BNC2: variants seen among roughly 807,000 people sequenced by gnomAD.
BNC2 encodes the protein basonuclin zinc finger protein 2.
BNC2 carries 20 observed loss-of-function variants against 76.3 expected under a neutral mutation model. The ratio of observed to expected loss-of-function variants is 0.26; its 90% CI spans 0.18 to 0.38. BNC2 has a LOEUF of 0.38. Ranked by LOEUF, BNC2 falls within the 10% of genes least tolerant of loss-of-function variation. The pLI, the probability that BNC2 is intolerant of heterozygous loss-of-function variation, is 1.00. For missense variants in BNC2, 1,382 were observed against 1,399.8 expected, an observed-to-expected ratio of 0.99 and a Z score of 0.20; for synonymous variants, 582 against 514.8, an observed-to-expected ratio of 1.13 and a Z score of -1.77.
intron 3 of BNC2, among the ~76,000 whole-genome samples, chr9:16,710,027 G>A (rs1015595159): frequency 2.0e-5 from 3 of 151,960 alleles, no homozygotes; most frequent in African/African-American, 7.3e-5. Flanking sequence ...AACTGCAACA[G>A]AAACAGACAT....
chr9:16,728,855 A>G (rs1456130996), intron 2 of BNC2, among the ~76,000 whole-genome samples: 2 of 152,134 alleles, frequency 1.3e-5, no homozygotes, highest in African/African-American at 2.4e-5. Context: ...TGAGAAACTG[A>G]ATGGCAAAGG....
In BNC2 at chr9:16,412,744, AGAGAGAGAGAG is replaced by A. The variant is rs1820495098; in HGVS notation, c.*6234_*6244del. ...GGGAGAGAGAGAGAGAGAGAGAGAG[AGAGAGAGAGAG>A]AGAGAGAGAGACTGACTGATTGTGG... On this transcript the variant is annotated 3_prime_UTR_variant, in exon 7 of 7. Coordinates refer to ENST00000380672, the MANE Select transcript of BNC2 (RefSeq NM_017637.6). 1.6e-5 allele frequency: 2 copies of A among 121,296 alleles called. No individual in the cohort carries two copies. Among genetic ancestry groups the A allele is most frequent in the African/African-American group, 7.6e-5 (2 of 26,286 alleles). The allele number at this position is 121,296 out of a possible 1,614,324, so 7.5% of individuals were successfully genotyped here. A position where few individuals can be genotyped will look rare whatever the true frequency, so the allele number is the denominator to read the frequency against.
chr9:16,860,830 G>T (rs930332093), intron 1 of BNC2, among the ~76,000 whole-genome samples: 2 of 152,118 alleles, frequency 1.3e-5, no homozygotes, highest in African/African-American at 4.8e-5. Flanking sequence ...ATCACCTGAG[G>T]CCAGGAGTTT....
intron 3 of BNC2, chr9:16,726,925 G>C (rs1053233072): frequency 6.6e-6 from 1 of 152,264 alleles, no homozygotes. Flanking sequence ...AGAGGAGACC[G>C]GCGCACAGGG....
At chr9:16,823,777 A>T (rs1818392542) in intron 1 of BNC2, among the ~76,000 whole-genome samples, 1 of 152,188 alleles carries the variant, frequency 6.6e-6, no homozygotes, top group Non-Finnish European at 1.5e-5. Context: ...AGAACTATGA[A>T]AGAAGAGAAA....
chr9:16,586,142 A>G (rs577211365), intron 3 of BNC2, among the ~76,000 whole-genome samples: 1 of 152,088 alleles, frequency 6.6e-6, no homozygotes, highest in South Asian at 2.1e-4. Flanking sequence ...CACAGAATGT[A>G]CCACATACAG....
intron 4 of BNC2, among the ~76,000 whole-genome samples, chr9:16,572,795 G>A (rs532732692): frequency 2.6e-4 from 40 of 152,174 alleles, no homozygotes; most frequent in Non-Finnish European, 3.5e-4. Context: ...GGTGACTCAA[G>A]GGACAAGAGC....
chr9:16,487,191 T>C (rs1019538344), intron 5 of BNC2, among the ~76,000 whole-genome samples: 1 of 152,034 alleles, frequency 6.6e-6, no homozygotes, highest in African/African-American at 2.4e-5. Context: ...AGAAGCACAG[T>C]CTTGAGGGGG....
At chr9:16,481,594 C>G (rs1822058471) in intron 5 of BNC2, among the ~76,000 whole-genome samples, 1 of 152,120 alleles carries the variant, frequency 6.6e-6, no homozygotes, top group Admixed American at 6.5e-5. Flanking sequence ...TCAGTGAGAC[C>G]AAGGACCCAC....
At chr9:16,487,089 G>A (rs539502810) in intron 5 of BNC2, among the ~76,000 whole-genome samples, 2 of 152,294 alleles carry the variant, frequency 1.3e-5, no homozygotes, top group East Asian at 3.9e-4. Flanking sequence ...CCCTTTTACA[G>A]ATGAGAAAAG....
At chr9:16,452,791 TA>T (rs781614712) in intron 5 of BNC2, among the ~76,000 whole-genome samples, 4 of 152,336 alleles carry the variant, frequency 2.6e-5, no homozygotes, top group Non-Finnish European at 5.9e-5. Flanking sequence ...TTACATTGAT[TA>T]ATTCCTGAAT....
At chr9:16,617,842 T>C (rs1052514111) in intron 3 of BNC2, among the ~76,000 whole-genome samples, 1 of 152,248 alleles carries the variant, frequency 6.6e-6, no homozygotes, top group African/African-American at 2.4e-5. Context: ...TCACTGATGA[T>C]GAACTTGGGT....
intron 1 of BNC2, among the ~76,000 whole-genome samples, chr9:16,829,183 A>C (rs2136005873): frequency 6.6e-6 from 1 of 152,346 alleles, no homozygotes; most frequent in Non-Finnish European, 1.5e-5. Flanking sequence ...ACTTGTGAGC[A>C]TTAGGGAGCA....
In BNC2 at chr9:16,725,217, T is replaced by A. The variant is rs866384718; in HGVS notation, c.330+2580A>T. 4.5e-3 allele frequency among the ~76,000 whole-genome samples: 664 copies of A among 148,248 alleles called. 3 individuals carry two copies. The highest frequency in any genetic ancestry group is 0.012 in the African/African-American group (464 of 39,220). On this transcript the variant is annotated intron_variant, in intron 3 of 6. Coordinates refer to ENST00000380672, the MANE Select transcript of BNC2 (RefSeq NM_017637.6). The stretch of plus-strand genomic sequence containing the variant: ...TATAATTTCAATAAGTCTCTCTCTC[T>A]CACACACACACACACACACACACAC...
chr9:16,811,237 A>AAAAAAAAAAAAAAAAAACC (rs796981394), intron 1 of BNC2, among the ~76,000 whole-genome samples: 145 of 145,274 alleles, frequency 1.0e-3, no homozygotes, highest in African/African-American at 3.7e-3. Flanking sequence ...GACCAAAAAA[A>AAAAAAAAAAAAAAAAAACC]AAAAAAACCA....
intron 4 of BNC2, among the ~76,000 whole-genome samples, chr9:16,553,595 T>C (rs757552840): frequency 1.3e-5 from 2 of 152,242 alleles, no homozygotes; most frequent in Non-Finnish European, 2.9e-5. Flanking sequence ...CTGGTGTATT[T>C]CAGCTAACTG....
intron 5 of BNC2, among the ~76,000 whole-genome samples, chr9:16,454,115 C>G (rs1821397055): frequency 6.6e-6 from 1 of 152,076 alleles, no homozygotes; most frequent in African/African-American, 2.4e-5. Context: ...GTGATCTGTT[C>G]AGAAGTCCCA....
intron 1 of BNC2, among the ~76,000 whole-genome samples, chr9:16,782,276 T>A (rs1023199962): frequency 6.6e-6 from 1 of 151,748 alleles, no homozygotes; most frequent in Non-Finnish European, 1.5e-5. Flanking sequence ...AGAGCAAGAC[T>A]CTGTCTCAAA....
intron 4 of BNC2, among the ~76,000 whole-genome samples, chr9:16,566,524 C>T (rs879504509): frequency 4.6e-5 from 7 of 152,128 alleles, no homozygotes; most frequent in Non-Finnish European, 1.0e-4. Flanking sequence ...TATTTTCTTT[C>T]TTACTAGGTC....
Sources: allele counts gnomAD v4.1 joint callset (sites outside exome capture counted in the v4.1 genomes callset), GRCh38; gene constraint gnomAD v4.1.1; transcripts MANE v1.5; gene names NCBI Gene and HGNC (gene_info 2026-07-23, HGNC 2026-07-21).